LMO7: variants seen among roughly 807,000 people sequenced by gnomAD.
LMO7 encodes LIM domain 7.
LMO7 carries 120 observed loss-of-function variants against 206.5 expected under a neutral mutation model. The observed-to-expected ratio is 0.58, with a 90% CI of 0.50 to 0.68. The LOEUF is 0.68. LMO7 is among the 30% of genes least tolerant of loss of function. The probability of loss-of-function intolerance (pLI) is 0.00; values close to 1 mark genes in which losing one functional copy is unlikely to be tolerated. For synonymous variants in LMO7, 706 were observed against 681.5 expected, an observed-to-expected ratio of 1.04 and a Z score of -0.56; for missense variants, 1,959 against 1,957.9, an observed-to-expected ratio of 1.00 and a Z score of -0.01.
chr13:75,735,912 T>C (rs1361555319), intron 3 of LMO7, among the ~76,000 whole-genome samples: 1 of 152,120 alleles, frequency 6.6e-6, no homozygotes, highest in Non-Finnish European at 1.5e-5. Context: ...TTGAATTAAA[T>C]AGCTTATTGC....
At chr13:75,795,576 T>C in intron 5 of LMO7, 145 bp downstream of exon 5, 1 of 589,550 alleles carries the variant, frequency 1.7e-6, no homozygotes, top group Non-Finnish European at 3.0e-6. Context: ...ACAGTAAATA[T>C]GTTTAAATAT....
At chr13:75,713,428 G>T (rs957740937) in intron 2 of LMO7, among the ~76,000 whole-genome samples, 176 bp downstream of exon 2, 2 of 152,096 alleles carry the variant, frequency 1.3e-5, no homozygotes, top group Non-Finnish European at 2.9e-5. Flanking sequence ...TAGGAAGAAG[G>T]GGTTATCAGT....
intron 1 of LMO7, among the ~76,000 whole-genome samples, chr13:75,687,207 G>T (rs1405089265): frequency 1.3e-5 from 2 of 152,128 alleles, no homozygotes; most frequent in African/African-American, 4.8e-5. Context: ...ACCACTGATT[G>T]TGTGAGGAGT....
In LMO7 at chr13:75,855,251, T is replaced by G. The variant is rs376559722; in HGVS notation, c.4662-9T>G. ...GAAAGCCTCCATTCCATTCTTGTTCTGCATCTAGGTCAGTCAGTGGGAAGC... is the reference window on the plus strand; with the variant it reads ...GAAAGCCTCCATTCCATTCTTGTTCGGCATCTAGGTCAGTCAGTGGGAAGC... On this transcript the variant is annotated splice_polypyrimidine_tract_variant and intron_variant, in intron 28 of 30. Coordinates refer to ENST00000377534, the MANE Select transcript of LMO7 (RefSeq NM_001306080.2). The G allele has an allele frequency of 6.3e-7, 1 of 1,584,196 alleles. No homozygotes were observed. Among genetic ancestry groups the G allele is most frequent in the Admixed American group, 1.7e-5 (1 of 59,642 alleles).
At chr13:75,711,561 C>T (rs1269480744) in intron 1 of LMO7, among the ~76,000 whole-genome samples, 2 of 152,246 alleles carry the variant, frequency 1.3e-5, no homozygotes, top group Non-Finnish European at 2.9e-5. Context: ...ACCCCTTGTG[C>T]TTCCTGGGCG....
chr13:75,715,231 C>T (rs2043441655), intron 2 of LMO7, among the ~76,000 whole-genome samples: 1 of 152,110 alleles, frequency 6.6e-6, no homozygotes, highest in Non-Finnish European at 1.5e-5. Context: ...AAAAGCTATA[C>T]CCAGCCTGAA....
At chr13:75,857,724 T>C in intron 30 of LMO7, 197 bp from the exon 31 acceptor site, 1 of 399,244 alleles carries the variant, frequency 2.5e-6, no homozygotes, top group Non-Finnish European at 4.5e-6. Context: ...AGTTCATTTT[T>C]ACTCCATTTT....
intron 1 of LMO7, among the ~76,000 whole-genome samples, chr13:75,651,959 A>G (rs1402038609): frequency 2.0e-5 from 3 of 152,212 alleles, no homozygotes; most frequent in African/African-American, 7.2e-5. Context: ...AAAAGTTTTT[A>G]GCAGAGTGTG....
At chr13:75,809,404 C>G (rs2056000223) in intron 11 of LMO7, among the ~76,000 whole-genome samples, 1 of 147,490 alleles carries the variant, frequency 6.8e-6, no homozygotes, top group Non-Finnish European at 1.5e-5. Context: ...ATTTAAACTT[C>G]AGCTTCATCC....
At chr13:75,653,879 CTTAG>C (rs1181316933) in intron 1 of LMO7, among the ~76,000 whole-genome samples, 1 of 152,282 alleles carries the variant, frequency 6.6e-6, no homozygotes, top group East Asian at 1.9e-4. Context: ...CAAATATAAA[CTTAG>C]GTAAGTTTGT....
intron 1 of LMO7, among the ~76,000 whole-genome samples, chr13:75,648,870 C>T (rs1046228716): frequency 3.9e-5 from 6 of 152,138 alleles, no homozygotes; most frequent in African/African-American, 1.4e-4. Context: ...GGGTACTTGT[C>T]CTGTCAGGGA....
At chr13:75,805,787 C>A (rs764399710) in intron 9 of LMO7, 27 bp downstream of exon 9, 1 of 1,606,264 alleles carries the variant, frequency 6.2e-7, no homozygotes, top group South Asian at 1.1e-5. Context: ...GTTTCTGTCA[C>A]ACCAGTGTTC....
Position 75,837,042 on chromosome 13 carries a change from C to G in LMO7, c.3394+585C>G, listed in dbSNP as rs768381578. Among the ~76,000 whole-genome samples the G allele has an allele frequency of 2.6e-5, 4 of 152,072 alleles. No homozygotes were observed. In the East Asian group the frequency reaches 7.7e-4, roughly 29 times the overall value. On this transcript the variant is annotated intron_variant, in intron 19 of 30. Coordinates refer to ENST00000377534, the MANE Select transcript of LMO7 (RefSeq NM_001306080.2). ...GGGCACAGAAAAATAAGAATAGATCCGGTCATGTAGGCAGGGGAAGAAACC... is the reference window on the plus strand; with the variant it reads ...GGGCACAGAAAAATAAGAATAGATCGGGTCATGTAGGCAGGGGAAGAAACC...
chr13:75,799,349 A>G (rs1379684947), intron 6 of LMO7, among the ~76,000 whole-genome samples: 3 of 152,212 alleles, frequency 2.0e-5, no homozygotes, highest in Admixed American at 1.3e-4. Flanking sequence ...GTCTGGTTCA[A>G]TTATTACAAT....
intron 4 of LMO7, among the ~76,000 whole-genome samples, chr13:75,779,008 T>C (rs1285583349): frequency 6.6e-6 from 1 of 152,136 alleles, no homozygotes; most frequent in Non-Finnish European, 1.5e-5. Flanking sequence ...ATTCAAGAGA[T>C]ATTTAGGAGC....
At chr13:75,714,040 T>C (rs1162961612) in intron 2 of LMO7, among the ~76,000 whole-genome samples, 1 of 152,192 alleles carries the variant, frequency 6.6e-6, no homozygotes, top group African/African-American at 2.4e-5. Context: ...ATTATTTCAA[T>C]CTAGACACTT....
chr13:75,758,152 C>T (rs1566394684), intron 3 of LMO7, among the ~76,000 whole-genome samples: 1 of 152,024 alleles, frequency 6.6e-6, no homozygotes. Context: ...GTGACTAGTC[C>T]AATTAGATAA....
At position 75,809,180 on chromosome 13, in the gene LMO7, A is replaced by G. The variant is rs2055959578; in HGVS notation, c.1943A>G (p.Asn648Ser). 1 of 1,612,226 alleles carries G rather than the reference A, an allele frequency of 6.2e-7. No individual in the cohort carries two copies. The highest frequency in any genetic ancestry group is 8.5e-7 in the Non-Finnish European group (1 of 1,178,660). ...CTCTTTCAAAAGATTTATGGTGAGA[A>G]TGGGTAAGTTGTGTGGTTCACAGTA... is the stretch of plus-strand genomic sequence containing the variant. ...ERLFQKIYGE[N>S]GSKSMSDVSA... The change falls in exon 11 of 31, where the codon AAT becomes AGT. Residue 648 changes from asparagine (N) to serine (S), a missense_variant. Asn to Ser is a conservative substitution (Grantham distance 46, BLOSUM62 1). Coordinates refer to ENST00000377534, the MANE Select transcript of LMO7 (RefSeq NM_001306080.2).
intron 1 of LMO7, among the ~76,000 whole-genome samples, chr13:75,670,966 C>CTTTTTTTTTTTTTTTT (rs552236505): frequency 5.4e-3 from 541 of 99,796 alleles, no homozygotes; most frequent in Non-Finnish European, 8.1e-3. Flanking sequence ...ATGTTTAAAA[C>CTTTTTTTTTTTTTTTT]TTTTTTTTTT....
Sources: gnomAD v4.1 joint callset for allele counts (sites outside exome capture counted in the v4.1 genomes callset) on GRCh38, gnomAD v4.1.1 for gene constraint, MANE v1.5 for transcripts, NCBI Gene and HGNC (gene_info 2026-07-23, HGNC 2026-07-21) for gene names.